SEC62: variants seen among roughly 807,000 people sequenced by gnomAD.
SEC62 encodes the protein translocation protein SEC62.
In SEC62, 10 loss-of-function variants were observed where a neutral mutation model predicts 47.5. The ratio of observed to expected loss-of-function variants is 0.21; its 90% CI spans 0.13 to 0.36. The LOEUF (loss-of-function observed/expected upper bound fraction) is 0.36. SEC62 is among the 10% of genes least tolerant of loss of function. The pLI is 1.00. For missense variants in SEC62, 327 were observed against 464.1 expected, an observed-to-expected ratio of 0.70 and a Z score of 2.71; for synonymous variants, 136 against 150.5, an observed-to-expected ratio of 0.90 and a Z score of 0.71.
At chr3:169,971,349 G>A (rs1354132626) in intron 1 of SEC62, among the ~76,000 whole-genome samples, 1 of 152,162 alleles carries the variant, frequency 6.6e-6, no homozygotes, top group Non-Finnish European at 1.5e-5. Context: ...GGGGATTACA[G>A]GGATGAGCCA....
At chr3:169,981,806 T>C (rs1333193468) in intron 3 of SEC62, among the ~76,000 whole-genome samples, 1 of 152,142 alleles carries the variant, frequency 6.6e-6, no homozygotes, top group East Asian at 1.9e-4. Context: ...AAACAACTAC[T>C]ACAAATTATA....
intron 1 of SEC62, among the ~76,000 whole-genome samples, chr3:169,968,085 G>A (rs1052871051): frequency 6.6e-6 from 1 of 152,174 alleles, no homozygotes. Flanking sequence ...TTCGAGTTCA[G>A]ACAGATAAGA....
chr3:169,987,007 T>G (rs1559967155), intron 6 of SEC62, among the ~76,000 whole-genome samples: 1 of 152,024 alleles, frequency 6.6e-6, no homozygotes, highest in East Asian at 1.9e-4. Flanking sequence ...GTTTTTGATT[T>G]GCTTTTTAAC....
chr3:169,988,171 T>G (rs765215532), intron 6 of SEC62, 69 bp from the exon 7 acceptor site: 8 of 1,556,162 alleles, frequency 5.1e-6, no homozygotes, highest in Non-Finnish European at 6.2e-6. Context: ...AGGGATATGT[T>G]TCTGTTAGTG....
chr3:169,970,086 A>T (rs1455082513), intron 1 of SEC62, among the ~76,000 whole-genome samples: 6 of 152,202 alleles, frequency 3.9e-5, no homozygotes, highest in Admixed American at 3.9e-4. Flanking sequence ...TCAGGAAGCC[A>T]GTCCTAAATC....
intron 1 of SEC62, among the ~76,000 whole-genome samples, chr3:169,974,741 A>AG (rs1462076798): frequency 1.3e-5 from 2 of 152,210 alleles, no homozygotes; most frequent in African/African-American, 4.8e-5. Context: ...CTGCAGCCAC[A>AG]GGGGGAAAGG....
intron 5 of SEC62, 48 bp downstream of exon 5, chr3:169,983,301 T>C (rs1053826466): frequency 7.5e-7 from 1 of 1,328,130 alleles, no homozygotes; most frequent in Non-Finnish European, 1.0e-6. Context: ...TAGGAGTTTT[T>C]AGAAAGATGT....
At position 169,994,583 on chromosome 3, in the gene SEC62, C is replaced by T. The variant is rs930373040; in HGVS notation, c.*1520C>T. ...TGCAACTATGTCAAGGCTGCAATCACTTTAATAGTTTCTTTTTAGCAAATA... is the reference window on the plus strand; with the variant it reads ...TGCAACTATGTCAAGGCTGCAATCATTTTAATAGTTTCTTTTTAGCAAATA... On this transcript the variant is annotated 3_prime_UTR_variant, in exon 8 of 8. Coordinates refer to ENST00000337002, the MANE Select transcript of SEC62 (RefSeq NM_003262.4). 4 of 152,284 alleles carry T rather than the reference C, an allele frequency of 2.6e-5. No individual in the cohort carries two copies. Among genetic ancestry groups the T allele is most frequent in the African/African-American group, 9.7e-5 (4 of 41,442 alleles). 9.4% of individuals were successfully genotyped at this position (152,284 alleles called of 1,614,324 possible). A position where few individuals can be genotyped will look rare whatever the true frequency, so the allele number is the denominator to read the frequency against.
chr3:169,967,098 G>A (rs1447850119), intron 1 of SEC62, among the ~76,000 whole-genome samples: 1 of 152,144 alleles, frequency 6.6e-6, no homozygotes, highest in East Asian at 1.9e-4. Flanking sequence ...GGAAGGAGGC[G>A]CCGCGCTCAG....
chr3:169,975,370 T>G (rs1034480835), intron 1 of SEC62: 34 of 335,756 alleles, frequency 1.0e-4, no homozygotes, highest in Non-Finnish European at 1.6e-4. Flanking sequence ...AAATGCCTCA[T>G]AGTTGAAGCC....
At position 169,992,576 on chromosome 3, in the gene SEC62, A is replaced by G; in HGVS notation, c.731-18A>G. 1 of 1,573,814 alleles carries G rather than the reference A, an allele frequency of 6.4e-7. No homozygotes were observed. The highest frequency in any genetic ancestry group is 1.2e-5 in the South Asian group (1 of 86,790). On this transcript the variant is annotated intron_variant, in intron 7 of 7. Transcript: ENST00000337002. The surrounding 1 kb of genome is among the most constrained non-coding windows in gnomAD (Gnocchi z 4.0). ...CAGTGTTTGAATTACTCAATTAGAG[A>G]AATTTTTCTCCCCACAGCTCGATGC...
chr3:169,989,695 T>C (rs1715194279), intron 7 of SEC62, among the ~76,000 whole-genome samples: 1 of 152,106 alleles, frequency 6.6e-6, no homozygotes, highest in African/African-American at 2.4e-5. Context: ...CAATAGTTTA[T>C]GGTTATTATG....
intron 7 of SEC62, among the ~76,000 whole-genome samples, chr3:169,991,041 A>G (rs1261333842): frequency 6.6e-6 from 1 of 152,224 alleles, no homozygotes; most frequent in Admixed American, 6.5e-5. Context: ...TCAGCTCTAC[A>G]TAATTGGTAA....
chr3:169,968,973 A>T (rs529037512), intron 1 of SEC62, among the ~76,000 whole-genome samples: 1 of 152,286 alleles, frequency 6.6e-6, no homozygotes, highest in South Asian at 2.1e-4. Context: ...CTAGCCTAGA[A>T]AGTACCTCAG....
intron 1 of SEC62, among the ~76,000 whole-genome samples, chr3:169,971,165 G>A (rs914427222): frequency 6.6e-6 from 1 of 151,718 alleles, no homozygotes; most frequent in Non-Finnish European, 1.5e-5. Flanking sequence ...CAAACTCCTG[G>A]TCTCAAGTGA....
Position 169,966,843 on chromosome 3 carries a change from CAAG to C in SEC62, c.25_27del (p.Lys9del). The C allele has an allele frequency of 6.4e-7, 1 of 1,556,310 alleles. No individual in the cohort carries two copies. Among genetic ancestry groups the C allele is most frequent in the East Asian group, 2.4e-5 (1 of 41,260 alleles). ...CCAACATGGCGGAACGCAGGAGACA[CAAG>C]AAGCGGATCCAGGTAGCAAAGCCGA... On this transcript the variant is annotated inframe_deletion, in exon 1 of 8. Transcript: ENST00000337002.
At chr3:169,969,041 A>G (rs1714628058) in intron 1 of SEC62, among the ~76,000 whole-genome samples, 1 of 152,216 alleles carries the variant, frequency 6.6e-6, no homozygotes, top group Non-Finnish European at 1.5e-5. Context: ...AAAAGATCAA[A>G]TGTAATGAAA....
At position 169,985,643 on chromosome 3, in the gene SEC62, A is replaced by G. The variant is rs1257637587; in HGVS notation, c.550-162A>G. On this transcript the variant is annotated intron_variant, in intron 5 of 7. Coordinates refer to ENST00000337002, the MANE Select transcript of SEC62 (RefSeq NM_003262.4). ...ATTTTCTAGCGCCAGAAGAACCACT[A>G]CTACTGAAGGAAAGATCTTTGGAAT... 1.8e-5 allele frequency: 9 copies of G among 496,516 alleles called. 1 individual carries two copies. Among genetic ancestry groups the G allele is most frequent in the South Asian group, 1.5e-4 (4 of 26,006 alleles). The allele number at this position is 496,516 out of a possible 1,614,324, so 30.8% of individuals were successfully genotyped here. A position where few individuals can be genotyped will look rare whatever the true frequency, so the allele number is the denominator to read the frequency against.
Position 169,993,793 on chromosome 3 carries a change from T to C in SEC62, c.*730T>C, listed in dbSNP as rs1715306350. 6.6e-6 allele frequency: 1 copy of C among 152,666 alleles called. No individual in the cohort carries two copies. Among genetic ancestry groups the C allele is most frequent in the African/African-American group, 2.4e-5 (1 of 41,456 alleles). The allele number at this position is 152,666 out of a possible 1,614,324, so 9.5% of individuals were successfully genotyped here. On this transcript the variant is annotated 3_prime_UTR_variant, in exon 8 of 8. Coordinates refer to ENST00000337002, the MANE Select transcript of SEC62 (RefSeq NM_003262.4). Reference sequence around the variant, plus strand: ...TTGGCGTAACGTAAAGTGTATTCTGTACATAATTTACAAATAAAACATTTT... The same window carrying C: ...TTGGCGTAACGTAAAGTGTATTCTGCACATAATTTACAAATAAAACATTTT...
Sources: allele counts gnomAD v4.1 joint callset (sites outside exome capture counted in the v4.1 genomes callset), GRCh38; gene constraint gnomAD v4.1.1; non-coding constraint Gnocchi (gnomAD v3.1); transcripts MANE v1.5; gene names NCBI Gene and HGNC (gene_info 2026-07-23, HGNC 2026-07-21).